DSC1: variants seen among roughly 807,000 people sequenced by gnomAD.
DSC1 encodes desmocollin 1.
In DSC1, 79 loss-of-function variants were observed where a neutral mutation model predicts 98.8. The ratio of observed to expected loss-of-function variants is 0.80; its 90% CI spans 0.67 to 0.96. The LOEUF (loss-of-function observed/expected upper bound fraction) is 0.96. DSC1 is among the 50% of genes least tolerant of loss of function. The pLI is 0.00. For missense variants in DSC1, 1,115 were observed against 1,075.9 expected (o/e 1.04, Z -0.51); for synonymous variants, 405 against 372.1 (o/e 1.09, Z -1.02).
Position 31,162,831 on chromosome 18 carries a change from A to G in DSC1, c.-237T>C, listed in dbSNP as rs1470114265. 7.8e-6 allele frequency: 4 copies of G among 509,926 alleles called. No individual in the cohort carries two copies. Among genetic ancestry groups the G allele is most frequent in the Non-Finnish European group, 1.4e-5 (4 of 284,858 alleles). 31.6% of individuals were successfully genotyped at this position (509,926 alleles called of 1,614,324 possible). A position where few individuals can be genotyped will look rare whatever the true frequency, so the allele number is the denominator to read the frequency against. On this transcript the variant is annotated 5_prime_UTR_variant, in exon 1 of 16. Coordinates refer to ENST00000257198, the MANE Select transcript of DSC1 (RefSeq NM_024421.2). ...CCTTCCTTCCAGTTCAATTACGTCT[A>G]AATGCAAAGAGGCTTTCCTACAAGT...
At chr18:31,137,200 C>T (rs542499018) in intron 11 of DSC1, among the ~76,000 whole-genome samples, 1 of 152,070 alleles carries the variant, frequency 6.6e-6, no homozygotes, top group African/African-American at 2.4e-5. Flanking sequence ...TATTAAGCTA[C>T]AATATGCCTC....
intron 5 of DSC1, among the ~76,000 whole-genome samples, chr18:31,149,993 C>T (rs982990297): frequency 2.0e-5 from 3 of 151,566 alleles, no homozygotes; most frequent in Admixed American, 2.0e-4. Context: ...TCTATCATTA[C>T]CACTTCACCA....
Position 31,157,508 on chromosome 18 carries a change from G to T in DSC1, c.214C>A (p.Leu72Ile), listed in dbSNP as rs1480752806. 1 of 1,614,204 alleles carries T rather than the reference G, an allele frequency of 6.2e-7. No individual in the cohort carries two copies. Among genetic ancestry groups the T allele is most frequent in the East Asian group, 2.2e-5 (1 of 44,882 alleles). ...GTTGTGTAAATTGAGCCATCTTCTA[G>T]AATTCTGAAGGCAGGGTCACTGGAC... is the stretch of plus-strand genomic sequence containing the variant. ...IRSSDPAFRI[L>I]EDGSIYTTHD... Residue 72 changes from leucine to isoleucine, a missense_variant, in exon 3 of 16, where the codon CTA becomes ATA. By Grantham distance (5) the Leu-to-Ile change is conservative. Transcript: ENST00000257198.
chr18:31,150,234 TCATCACCACCACTACCAC>T (rs1988943376), intron 5 of DSC1, among the ~76,000 whole-genome samples: 1 of 113,712 alleles, frequency 8.8e-6, no homozygotes, highest in African/African-American at 3.4e-5. Flanking sequence ...ACTACCACCA[TCATCACCACCACTACCAC>T]CACCACCATC....
At chr18:31,141,961 A>G (rs1988745938) in intron 9 of DSC1, 38 bp downstream of exon 9, 1 of 1,560,504 alleles carries the variant, frequency 6.4e-7, no homozygotes, top group Non-Finnish European at 8.6e-7. Flanking sequence ...GTGAGTTAGG[A>G]TATTTTAAAG....
At position 31,162,759 on chromosome 18, in the gene DSC1, G is replaced by C. The variant is rs1311333223; in HGVS notation, c.-165C>G. 5 of 603,172 alleles carry C rather than the reference G, an allele frequency of 8.3e-6. No homozygotes were observed. The highest frequency in any genetic ancestry group is 9.0e-6 in the Non-Finnish European group (3 of 335,110). 37.4% of individuals were successfully genotyped at this position (603,172 alleles called of 1,614,324 possible). A position where few individuals can be genotyped will look rare whatever the true frequency, so the allele number is the denominator to read the frequency against. ...GTCCGGAGGCAAGTGATAAACAGTA[G>C]GAGGAGCAACGGGAGAATTTCTTTC... On this transcript the variant is annotated 5_prime_UTR_variant, in exon 1 of 16. Transcript: ENST00000257198.
intron 11 of DSC1, among the ~76,000 whole-genome samples, chr18:31,135,580 T>C (rs1053733438): frequency 1.3e-5 from 2 of 152,254 alleles, no homozygotes; most frequent in Non-Finnish European, 2.9e-5. Flanking sequence ...AAAAATAAGT[T>C]TTCATCTCTA....
At chr18:31,154,190 G>T (rs1989050696) in intron 5 of DSC1, among the ~76,000 whole-genome samples, 1 of 151,348 alleles carries the variant, frequency 6.6e-6, no homozygotes, top group African/African-American at 2.4e-5. Context: ...AGAATCAAAT[G>T]AATTGATAAA....
At position 31,134,587 on chromosome 18, in the gene DSC1, T is replaced by C. The variant is rs746321870; in HGVS notation, c.1861A>G (p.Ile621Val). Reference protein sequence around the residue: ...LDNSASKNWNIEEKDGKTAIL... With the variant: ...LDNSASKNWNVEEKDGKTAIL... ...GATTACATACCATCCTTTTCTTCTA[T>C]GTTCCAGTTTTTACTGGCAGAATTA... Residue 621 changes from isoleucine (I) to valine (V), a missense_variant, in exon 12 of 16, where the codon ATA becomes GTA. By Grantham distance (29) the Ile-to-Val change is conservative (BLOSUM62 3). Coordinates refer to ENST00000257198, the MANE Select transcript of DSC1 (RefSeq NM_024421.2). The C allele has an allele frequency of 5.6e-6, 9 of 1,609,648 alleles. No individual in the cohort carries two copies. In the Admixed American group the frequency reaches 6.7e-5, roughly 12 times the overall value.
At chr18:31,131,489 G>A in intron 15 of DSC1, 105 bp downstream of exon 15, 2 of 1,387,046 alleles carry the variant, frequency 1.4e-6, no homozygotes, top group Admixed American at 2.1e-5. Flanking sequence ...ACAGGTAAAA[G>A]ATGTTGAATT....
Position 31,132,601 on chromosome 18 carries a change from T to C in DSC1, c.2205A>G (p.Val735=), listed in dbSNP as rs1284399223. Residue 735 remains valine (V), a synonymous_variant, in exon 14 of 16, where the codon GTA becomes GTG. Transcript: ENST00000257198. The stretch of plus-strand genomic sequence containing the variant: ...CTTCTCCAGGTCCTTCAGTATTTGA[T>C]ACAATTAAATTTTGCTGGGCTATGT... ...PEDIAQQNLI[V]SNTEGPGEEV... The C allele has an allele frequency of 1.2e-6, 2 of 1,613,608 alleles. No individual in the cohort carries two copies. Among genetic ancestry groups the C allele is most frequent in the Non-Finnish European group, 1.7e-6 (2 of 1,179,670 alleles).
chr18:31,143,355 G>A (rs1988775329), intron 8 of DSC1, among the ~76,000 whole-genome samples: 1 of 144,962 alleles, frequency 6.9e-6, no homozygotes, highest in Admixed American at 7.4e-5. Flanking sequence ...CAAGGAATCT[G>A]GTAGCAGAGC....
intron 1 of DSC1, among the ~76,000 whole-genome samples, 174 bp from the exon 2 acceptor site, chr18:31,159,703 G>A (rs1989175972): frequency 6.6e-6 from 1 of 151,962 alleles, no homozygotes; most frequent in Admixed American, 6.6e-5. Context: ...ATAGCTTTAG[G>A]AATAGCACTG....
chr18:31,148,422 G>A (rs751228158), intron 6 of DSC1, 76 bp downstream of exon 6: 65 of 1,422,692 alleles, frequency 4.6e-5, no homozygotes, highest in Non-Finnish European at 5.8e-5. Flanking sequence ...ATGATAAAAC[G>A]TAAACATCTT....
At chr18:31,140,935 A>G (rs1425665955) in intron 9 of DSC1, among the ~76,000 whole-genome samples, 2 of 152,128 alleles carry the variant, frequency 1.3e-5, no homozygotes, top group Non-Finnish European at 1.5e-5. Context: ...TTCCTGTGCT[A>G]TTCTCGTGAT....
At chr18:31,133,544 C>T (rs2144914776) in intron 13 of DSC1, among the ~76,000 whole-genome samples, 1 of 152,148 alleles carries the variant, frequency 6.6e-6, no homozygotes, top group African/African-American at 2.4e-5. Flanking sequence ...ATAAACATGG[C>T]TGGTTGAAAG....
At chr18:31,142,302 A>T (rs1268653834) in intron 8 of DSC1, 118 bp from the exon 9 acceptor site, 1 of 1,041,244 alleles carries the variant, frequency 9.6e-7, no homozygotes, top group African/African-American at 1.7e-5. Context: ...TGCCCTCACT[A>T]TATGGGGAAA....
intron 1 of DSC1, among the ~76,000 whole-genome samples, chr18:31,160,228 C>A (rs1181540537): frequency 6.6e-6 from 1 of 152,022 alleles, no homozygotes; most frequent in Non-Finnish European, 1.5e-5. Flanking sequence ...CTGAAAAAAA[C>A]AAAAGAAAAG....
chr18:31,154,587 T>C (rs951681953), intron 5 of DSC1, among the ~76,000 whole-genome samples, 187 bp downstream of exon 5: 1 of 152,182 alleles, frequency 6.6e-6, no homozygotes, highest in African/African-American at 2.4e-5. Context: ...CCCCGCCACT[T>C]CCCTTATTAT....
Sources: allele counts gnomAD v4.1 joint callset (sites outside exome capture counted in the v4.1 genomes callset), GRCh38; gene constraint gnomAD v4.1.1; transcripts MANE v1.5; gene names NCBI Gene and HGNC (gene_info 2026-07-23, HGNC 2026-07-21).